ZNF362: variants seen among roughly 807,000 people sequenced by gnomAD.
The protein encoded by ZNF362 is rotund homolog.
In ZNF362, 11 loss-of-function variants were observed where a neutral mutation model predicts 42.9. The ratio of observed to expected loss-of-function variants is 0.26; its 90% CI spans 0.16 to 0.42. The LOEUF (loss-of-function observed/expected upper bound fraction) is 0.42. Among genes scored for constraint, ZNF362 ranks in the 20% least tolerant of loss-of-function variants. The probability of loss-of-function intolerance (pLI) is 1.00; values close to 1 mark genes in which losing one functional copy is unlikely to be tolerated. For synonymous variants in ZNF362, 255 were observed against 257.3 expected (o/e 0.99, Z 0.09); for missense variants, 362 against 576.2 (o/e 0.63, Z 3.81).
the ZNF362 span, among the ~76,000 whole-genome samples, chr1:33,154,308 G>A: frequency 6.6e-6 from 1 of 152,090 alleles, no homozygotes; most frequent in South Asian, 2.1e-4. Context: ...CCCTGGAGCA[G>A]GGAGCCTGGG....
the ZNF362 span, among the ~76,000 whole-genome samples, chr1:33,150,262 T>C: frequency 5.4e-3 from 825 of 152,302 alleles, 3 homozygotes; most frequent in Non-Finnish European, 8.7e-3. Flanking sequence ...ACTGGCGAAG[T>C]GGGGACATGG....
chr1:33,294,841 A>G lies in ZNF362; in HGVS notation c.909-96A>G. 7.3e-7 allele frequency: 1 copy of G among 1,362,934 alleles called. No homozygotes were observed. Among genetic ancestry groups the G allele is most frequent in the Admixed American group, 1.8e-5 (1 of 55,654 alleles). The allele number at this position is 1,362,934 out of a possible 1,614,324, so 84.4% of individuals were successfully genotyped here. On this transcript the variant is annotated intron_variant, in intron 6 of 8. Transcript: ENST00000539719. The surrounding 1 kb of genome is among the most constrained non-coding windows in gnomAD (Gnocchi z 4.2). ...CTTGGGGAGCATGGGCAGGGTAGGG[A>G]CCGAGAGGCTTAGGGGCCAGAGTAA...
At chr1:33,282,275 C>T (rs190709440) in intron 6 of ZNF362, among the ~76,000 whole-genome samples, 1 of 152,326 alleles carries the variant, frequency 6.6e-6, no homozygotes, top group East Asian at 1.9e-4. Flanking sequence ...TCAGTCTCCT[C>T]CATTTCCATA....
the ZNF362 span, among the ~76,000 whole-genome samples, chr1:33,237,128 T>A: frequency 2.0e-5 from 3 of 152,148 alleles, no homozygotes; most frequent in South Asian, 6.2e-4. Context: ...ATATATACAA[T>A]TATTTTTTCA....
intron 2 of ZNF362, chr1:33,274,975 A>C: frequency 1.0e-6 from 1 of 985,470 alleles, no homozygotes; most frequent in East Asian, 1.1e-4. Context: ...TTTTCTCCCG[A>C]AGCCCTATAG....
At chr1:33,282,088 T>C in intron 6 of ZNF362, 2 of 477,672 alleles carry the variant, frequency 4.2e-6, no homozygotes, top group South Asian at 4.7e-5. Flanking sequence ...TTGTCCTCTC[T>C]CAGTCTAGCT....
At chr1:33,292,350 G>A (rs1476380538) in intron 6 of ZNF362, among the ~76,000 whole-genome samples, 3 of 152,196 alleles carry the variant, frequency 2.0e-5, no homozygotes, top group African/African-American at 7.2e-5. Flanking sequence ...CGTTGGTTCT[G>A]TTTATATGCT....
At chr1:33,246,591 G>A in the ZNF362 span, among the ~76,000 whole-genome samples, 1 of 152,198 alleles carries the variant, frequency 6.6e-6, no homozygotes, top group Non-Finnish European at 1.5e-5. Context: ...CACCTGAGAT[G>A]GTACAGCTCT....
chr1:33,176,960 C>A, the ZNF362 span, among the ~76,000 whole-genome samples: 1 of 152,190 alleles, frequency 6.6e-6, no homozygotes, highest in African/African-American at 2.4e-5. Context: ...TGGAAATGGG[C>A]TCCTTCCCTC....
the ZNF362 span, among the ~76,000 whole-genome samples, chr1:33,150,326 G>C: frequency 2.6e-5 from 4 of 152,336 alleles, no homozygotes; most frequent in East Asian, 5.8e-4. Context: ...TGGCTGCACT[G>C]ATGTGCAGAA....
At chr1:33,149,458 T>TAAA in the ZNF362 span, among the ~76,000 whole-genome samples, 1 of 146,628 alleles carries the variant, frequency 6.8e-6, no homozygotes, top group Non-Finnish European at 1.5e-5. Flanking sequence ...TGGATTCTTT[T>TAAA]AAAAAAAAAA....
the ZNF362 span, among the ~76,000 whole-genome samples, chr1:33,223,705 C>A: frequency 5.8e-3 from 887 of 152,140 alleles, 8 homozygotes; most frequent in African/African-American, 0.02. Context: ...TCAGCCTGGG[C>A]AACATGGTGA....
chr1:33,165,791 C>G, the ZNF362 span: 4 of 403,030 alleles, frequency 9.9e-6, no homozygotes, highest in Non-Finnish European at 1.8e-5. The surrounding 1 kb of genome is among the most constrained non-coding windows in gnomAD (Gnocchi z 4.0). Context: ...CAACCTCCTC[C>G]TCTTTGGCCA....
At chr1:33,128,347 A>G in the ZNF362 span, among the ~76,000 whole-genome samples, 220 of 152,306 alleles carry the variant, frequency 1.4e-3, no homozygotes, top group Non-Finnish European at 2.6e-3. Context: ...ACTGCACTCC[A>G]GTTTGGGCAA....
chr1:33,158,421 A>G, the ZNF362 span: 536 of 1,519,798 alleles, frequency 3.5e-4, 2 homozygotes, highest in East Asian at 0.011. Flanking sequence ...TCCTGCCCCA[A>G]TGCCAGGGGC....
chr1:33,243,108 A>ATTATGTTAGG, the ZNF362 span, among the ~76,000 whole-genome samples: 1 of 144,442 alleles, frequency 6.9e-6, no homozygotes, highest in Non-Finnish European at 1.5e-5. Context: ...CACAACTGTT[A>ATTATGTTAGG]TTATGTTATG....
At chr1:33,263,268 C>T (rs1005528709) in intron 1 of ZNF362, among the ~76,000 whole-genome samples, 4 of 152,210 alleles carry the variant, frequency 2.6e-5, no homozygotes, top group African/African-American at 7.2e-5. Context: ...TGTCTCCTGC[C>T]TTCATTCACT....
the ZNF362 span, among the ~76,000 whole-genome samples, chr1:33,140,711 C>T: frequency 6.6e-6 from 1 of 152,204 alleles, no homozygotes; most frequent in African/African-American, 2.4e-5. This position sits in a 1 kb window ranked among gnomAD's most constrained non-coding sequence, Gnocchi z 4.0. Flanking sequence ...GTGGCTGGTG[C>T]TAGCTCTGAA....
chr1:33,290,201 C>T (rs1219684901), intron 6 of ZNF362, among the ~76,000 whole-genome samples: 1 of 152,092 alleles, frequency 6.6e-6, no homozygotes, highest in Non-Finnish European at 1.5e-5. Context: ...CCCATTAACT[C>T]GTCATTTACA....
Sources: gnomAD v4.1 joint callset for allele counts (sites outside exome capture counted in the v4.1 genomes callset) on GRCh38, gnomAD v4.1.1 for gene constraint, Gnocchi (gnomAD v3.1) non-coding constraint, MANE v1.5 for transcripts, NCBI Gene and HGNC (gene_info 2026-07-23, HGNC 2026-07-21) for gene names.